COL26A1: variants seen among roughly 807,000 people sequenced by gnomAD.
COL26A1 encodes the protein collagen type XXVI alpha 1 chain, also known as collagen alpha-1(XXVI) chain.
Under a neutral mutation model 59.3 loss-of-function variants are expected in COL26A1, and 41 were observed. That is an observed-to-expected ratio of 0.69 (90% confidence interval 0.54 to 0.90). COL26A1 has a LOEUF of 0.90. COL26A1 is among the 40% of genes least tolerant of loss of function. COL26A1 has a pLI of 0.00. For missense variants in COL26A1, 612 were observed against 602.3 expected, an observed-to-expected ratio of 1.02 and a Z score of -0.17; for synonymous variants, 266 against 256.0, an observed-to-expected ratio of 1.04 and a Z score of -0.37.
At chr7:101,454,129 T>C (rs1793409937) in intron 3 of COL26A1, among the ~76,000 whole-genome samples, 2 of 152,186 alleles carry the variant, frequency 1.3e-5, no homozygotes, top group Non-Finnish European at 2.9e-5. Context: ...TGGGGCACAG[T>C]AGCAAAAACT....
chr7:101,372,347 G>T (rs753549884), intron 1 of COL26A1, among the ~76,000 whole-genome samples: 8 of 152,072 alleles, frequency 5.3e-5, no homozygotes, highest in Admixed American at 1.3e-4. Flanking sequence ...TGTATTTTTA[G>T]TAGAGCTGGG....
intron 3 of COL26A1, among the ~76,000 whole-genome samples, chr7:101,461,062 A>G (rs1319030292): frequency 6.6e-6 from 1 of 152,016 alleles, no homozygotes; most frequent in African/African-American, 2.4e-5. Context: ...GCTCACTTCA[A>G]TCTCCTGGGC....
rs373183188 is a variant in COL26A1, at chr7:101,558,194, C to G, written c.*664C>G. The G allele has an allele frequency of 6.6e-6, 1 of 152,472 alleles. No individual in the cohort carries two copies. The highest frequency in any genetic ancestry group is 1.9e-4 in the East Asian group (1 of 5,190). 9.4% of individuals were successfully genotyped at this position (152,472 alleles called of 1,614,324 possible). ...GCCTGGGGCTTCCCTTCCTCATCCCCCTTCCCCACTGGCTGGGGGAGCAGC... is the reference window on the plus strand; with the variant it reads ...GCCTGGGGCTTCCCTTCCTCATCCCGCTTCCCCACTGGCTGGGGGAGCAGC... On this transcript the variant is annotated 3_prime_UTR_variant, in exon 13 of 13. Transcript: ENST00000313669.
intron 3 of COL26A1, among the ~76,000 whole-genome samples, chr7:101,525,266 C>A (rs979958017): frequency 1.4e-5 from 2 of 141,804 alleles, no homozygotes; most frequent in Non-Finnish European, 3.0e-5. Context: ...TCTACAACCT[C>A]TGTCTCCTGG....
Position 101,409,588 on chromosome 7 carries a change from G to A in COL26A1, c.159-10389G>A, listed in dbSNP as rs536813634. ...TTCTGGAAGCTGGAAGTAGAAGCTG[G>A]AAGTAGATCAAGGTGTGTTACCACC... On this transcript the variant is annotated intron_variant, in intron 1 of 12. Transcript: ENST00000313669. Among the ~76,000 whole-genome samples, 6 of 152,330 alleles carry A rather than the reference G, an allele frequency of 3.9e-5. No homozygotes were observed. The East Asian group carries it at 1.2e-3, about 29-fold the overall frequency.
chr7:101,489,714 A>G (rs12056302), intron 3 of COL26A1, among the ~76,000 whole-genome samples: 62,725 of 64,760 alleles, frequency 0.97, 30,546 homozygotes, highest in Middle Eastern at 0.99. Flanking sequence ...TCTTTCTTTC[A>G]TTCTTTCTTT....
Position 101,489,844 on chromosome 7 carries a change from T to TG in COL26A1, c.385+42057_385+42058insG, listed in dbSNP as rs1247089209. 4.1e-4 allele frequency among the ~76,000 whole-genome samples: 10 copies of TG among 24,182 alleles called. 1 individual carries two copies. The highest frequency in any genetic ancestry group is 1.0e-3 in the Admixed American group (2 of 1,952). The allele number at this position is 24,182 out of a possible 152,430, so 15.9% of individuals were successfully genotyped here. On this transcript the variant is annotated intron_variant, in intron 3 of 12. Transcript: ENST00000313669. ...TTTCTTTCTTTCTTTCTTTCTTTCT[T>TG]TCTTTCTTTCTTTCTTTCTTTCTTT...
At chr7:101,463,295 C>T (rs768444324) in intron 3 of COL26A1, among the ~76,000 whole-genome samples, 129 of 152,200 alleles carry the variant, frequency 8.5e-4, no homozygotes, top group Middle Eastern at 6.8e-3. Flanking sequence ...TGCCTTATTT[C>T]GCTTAGCATT....
chr7:101,459,621 C>T (rs1474368731), intron 3 of COL26A1, among the ~76,000 whole-genome samples: 1 of 151,978 alleles, frequency 6.6e-6, no homozygotes, highest in African/African-American at 2.4e-5. Context: ...ACCTGGCCTA[C>T]GACCGTGGAG....
At chr7:101,499,941 G>C (rs1386560625) in intron 3 of COL26A1, among the ~76,000 whole-genome samples, 3 of 151,198 alleles carry the variant, frequency 2.0e-5, no homozygotes, top group Non-Finnish European at 2.9e-5. Context: ...ATGTATTCAG[G>C]CACAGTGGGT....
intron 1 of COL26A1, chr7:101,389,027 G>A (rs1791661514): frequency 3.5e-6 from 1 of 288,778 alleles, no homozygotes; most frequent in South Asian, 4.0e-5. Context: ...TAGCCTTGAG[G>A]TGACCGTTTT....
At chr7:101,527,285 A>T (rs1272739325) in intron 3 of COL26A1, among the ~76,000 whole-genome samples, 1 of 148,938 alleles carries the variant, frequency 6.7e-6, no homozygotes, top group African/African-American at 2.5e-5. Context: ...CTCTCTCTCT[A>T]TGTCTCTGTC....
chr7:101,520,664 C>CACACACACACACACACACACA (rs1554341000), intron 3 of COL26A1, among the ~76,000 whole-genome samples: 63 of 95,944 alleles, frequency 6.6e-4, no homozygotes, highest in Admixed American at 1.4e-3. Context: ...ACACACACAC[C>CACACACACACACACACACACA]CCCGTGTTCT....
At chr7:101,537,732 G>A (rs1393968719) in intron 4 of COL26A1, among the ~76,000 whole-genome samples, 1 of 152,106 alleles carries the variant, frequency 6.6e-6, no homozygotes, top group Non-Finnish European at 1.5e-5. Context: ...GGGAACACTA[G>A]AGGTTGCCTG....
chr7:101,402,877 G>C (rs73179283), intron 1 of COL26A1, among the ~76,000 whole-genome samples: 3,571 of 149,204 alleles, frequency 0.024, 65 homozygotes, highest in Non-Finnish European at 0.034. Flanking sequence ...ACAGGGTCTT[G>C]CTCTTTTGCC....
intron 2 of COL26A1, among the ~76,000 whole-genome samples, chr7:101,443,999 G>A (rs1161860670): frequency 1.3e-5 from 2 of 151,036 alleles, no homozygotes; most frequent in South Asian, 4.2e-4. Context: ...AGCCTCCCAA[G>A]TAGCTGGGAC....
At chr7:101,508,326 A>C (rs1446547732) in intron 3 of COL26A1, among the ~76,000 whole-genome samples, 2 of 152,116 alleles carry the variant, frequency 1.3e-5, no homozygotes, top group African/African-American at 4.8e-5. Context: ...GTTCAAGACC[A>C]GCTTGGGCAA....
chr7:101,538,987 C>T (rs142884998), intron 4 of COL26A1, among the ~76,000 whole-genome samples: 4 of 152,362 alleles, frequency 2.6e-5, no homozygotes, highest in African/African-American at 9.6e-5. Context: ...ACACAGCGCC[C>T]CCTGCTGGCC....
chr7:101,548,426 C>A (rs1487420211), intron 8 of COL26A1, among the ~76,000 whole-genome samples: 1 of 152,184 alleles, frequency 6.6e-6, no homozygotes. Flanking sequence ...ACTCCACATC[C>A]CATGGGGCAG....
Sources: gnomAD v4.1 joint callset for allele counts (sites outside exome capture counted in the v4.1 genomes callset) on GRCh38, gnomAD v4.1.1 for gene constraint, MANE v1.5 for transcripts, NCBI Gene and HGNC (gene_info 2026-07-23, HGNC 2026-07-21) for gene names.